Variants in CARMIL2 observed in about 807,000 individuals in gnomAD.
The protein encoded by CARMIL2 is capping protein, Arp2/3 and myosin-I linker protein 2.
In CARMIL2, 96 loss-of-function variants were observed where a neutral mutation model predicts 173.3. The observed-to-expected ratio is 0.55, with a 90% CI of 0.47 to 0.66. The LOEUF is 0.66. Ranked by LOEUF, CARMIL2 falls within the 30% of genes least tolerant of loss-of-function variation. The probability of loss-of-function intolerance (pLI) is 0.00; values close to 1 mark genes in which losing one functional copy is unlikely to be tolerated. For synonymous variants in CARMIL2, 830 were observed against 817.1 expected, an observed-to-expected ratio of 1.02 and a Z score of -0.27; for missense variants, 1,771 against 1,906.7, an observed-to-expected ratio of 0.93 and a Z score of 1.33.
In CARMIL2 at chr16:67,656,060, C is replaced by A. The variant is rs1199347887; in HGVS notation, c.3735C>A (p.Gly1245=). 2.5e-6 allele frequency: 4 copies of A among 1,604,116 alleles called. No homozygotes were observed. Among genetic ancestry groups the A allele is most frequent in the Non-Finnish European group, 3.4e-6 (4 of 1,175,350 alleles). The part of the protein sequence containing the change: ...QSKDGEIKKA[G]SDGDIMDSST... Reference sequence around the variant, plus strand: ...AAGATGGCGAGATCAAGAAAGCTGGCTCAGATGGTAAGTGGGACCCTGGGG... The same window carrying A: ...AAGATGGCGAGATCAAGAAAGCTGGATCAGATGGTAAGTGGGACCCTGGGG... The change falls in exon 33 of 38, where the codon GGC becomes GGA. Residue 1245 remains glycine (G), a synonymous_variant. Transcript: ENST00000334583.
rs770397804 is a variant in CARMIL2 at position 67,656,268 on chromosome 16, G to C, written c.3783G>C (p.Ser1261=). 11 of 1,613,966 alleles carry C rather than the reference G, an allele frequency of 6.8e-6. No individual in the cohort carries two copies. In the East Asian group the frequency reaches 2.5e-4, roughly 36 times the overall value. Residue 1261 remains serine, a synonymous_variant, in exon 34 of 38, where the codon TCG becomes TCC. Coordinates refer to ENST00000334583, the MANE Select transcript of CARMIL2 (RefSeq NM_001013838.3). ...GTTCCACGGAGGCCCCTCCCATCTC[G>C]ATCAAGTCCCGCACCCACTCTGTGT... is the stretch of plus-strand genomic sequence containing the variant. ...MDSSTEAPPI[S]IKSRTHSVSA... is the part of the protein sequence containing the mutation.
rs1458597338 is a variant in CARMIL2, at chr16:67,654,522, C to A, written c.3412C>A (p.Pro1138Thr). The change falls in exon 31 of 38, where the codon CCG (proline) becomes ACG (threonine). Residue 1138 changes from proline to threonine, a missense_variant. By Grantham distance (38) the Pro-to-Thr change is conservative. Coordinates refer to ENST00000334583, the MANE Select transcript of CARMIL2 (RefSeq NM_001013838.3). ...RKTTFGDLLR[P>T]PTRPSRGEEL... is the part of the protein sequence containing the mutation. ...AACTACATTTGGCGACCTACTGCGG[C>A]CGCCAACCCGTCCCAGCCGTGGTGA... 6.2e-7 allele frequency: 1 copy of A among 1,611,680 alleles called. No individual in the cohort carries two copies. Among genetic ancestry groups the A allele is most frequent in the South Asian group, 1.1e-5 (1 of 90,830 alleles).
Position 67,656,516 on chromosome 16 carries a change from C to G in CARMIL2, c.3907C>G (p.Arg1303Gly). ...GQQLNAELRS[R>G]GWGQQDGPGP... ...GCAGTTGAATGCGGAGCTCAGGAGCCGTGGTTGGGGCCAACAGGATGGTCC... is the reference window on the plus strand; with the variant it reads ...GCAGTTGAATGCGGAGCTCAGGAGCGGTGGTTGGGGCCAACAGGATGGTCC... The change falls in exon 35 of 38, where the codon CGT becomes GGT. Residue 1303 changes from arginine (R) to glycine (G), a missense_variant. Around this residue, in one of 3 missense-constraint regions of CARMIL2, gnomAD observed 817 missense variants for 903.5 expected, o/e 0.90. Transcript: ENST00000334583. The G allele has an allele frequency of 6.2e-7, 1 of 1,613,544 alleles. No homozygotes were observed. The highest frequency in any genetic ancestry group is 8.5e-7 in the Non-Finnish European group (1 of 1,179,810).
At chr16:67,656,722 T>C in intron 35 of CARMIL2, 77 bp downstream of exon 35, 1 of 1,568,308 alleles carries the variant, frequency 6.4e-7, no homozygotes, top group East Asian at 2.3e-5. Context: ...TCAGCTCCTC[T>C]AAGGACCCTG....
Position 67,648,539 on chromosome 16 carries a change from T to G in CARMIL2, c.1439+37T>G, listed in dbSNP as rs1364396103. 1 of 1,456,350 alleles carries G rather than the reference T, an allele frequency of 6.9e-7. No homozygotes were observed. The highest frequency in any genetic ancestry group is 1.4e-5 in the African/African-American group (1 of 70,288). The allele number at this position is 1,456,350 out of a possible 1,614,324, so 90.2% of individuals were successfully genotyped here. A position where few individuals can be genotyped will look rare whatever the true frequency, so the allele number is the denominator to read the frequency against. On this transcript the variant is annotated intron_variant, in intron 15 of 37. Coordinates refer to ENST00000334583, the MANE Select transcript of CARMIL2 (RefSeq NM_001013838.3). This position sits in a 1 kb window ranked among gnomAD's most constrained non-coding sequence, Gnocchi z 6.1. ...ACCCCGGCCACGCCCCCGCGGGCGC[T>G]CCCACCCTGCCCTGGCCTTCGCCCC...
rs1478240375 is a variant in CARMIL2, at chr16:67,651,284, A to G, written c.2282A>G (p.Asp761Gly). 6.2e-7 allele frequency: 1 copy of G among 1,613,564 alleles called. No individual in the cohort carries two copies. Among genetic ancestry groups the G allele is most frequent in the Non-Finnish European group, 8.5e-7 (1 of 1,179,848 alleles). ...GAAGCCGCTGTGCGCCAGGCCGAGGATGCCATCCAAAATGCCAACTTCTCT... is the reference window on the plus strand; with the variant it reads ...GAAGCCGCTGTGCGCCAGGCCGAGGGTGCCATCCAAAATGCCAACTTCTCT... ...QGEAAVRQAE[D>G]AIQNANFSLS... Residue 761 changes from aspartate to glycine, a missense_variant, in exon 23 of 38, where the codon GAT becomes GGT. By Grantham distance (94) the Asp-to-Gly change is moderately conservative. Coordinates refer to ENST00000334583, the MANE Select transcript of CARMIL2 (RefSeq NM_001013838.3). The surrounding 1 kb of genome is among the most constrained non-coding windows in gnomAD (Gnocchi z 4.2).
Position 67,646,586 on chromosome 16 carries a change from G to T in CARMIL2, c.466+69G>T. On this transcript the variant is annotated intron_variant, in intron 6 of 37. Coordinates refer to ENST00000334583, the MANE Select transcript of CARMIL2 (RefSeq NM_001013838.3). The surrounding 1 kb of genome is among the most constrained non-coding windows in gnomAD (Gnocchi z 4.6). ...CTCTGCCTCCCCAGACCCGCAAGCTGGGGGGGCCCCAAACTGAACAGAGCC... is the reference window on the plus strand; with the variant it reads ...CTCTGCCTCCCCAGACCCGCAAGCTTGGGGGGCCCCAAACTGAACAGAGCC... 1 of 1,567,044 alleles carries T rather than the reference G, an allele frequency of 6.4e-7. No homozygotes were observed. Among genetic ancestry groups the T allele is most frequent in the Non-Finnish European group, 8.8e-7 (1 of 1,142,768 alleles).
At chr16:67,654,929 G>A in intron 32 of CARMIL2, 29 bp downstream of exon 32, 1 of 1,612,062 alleles carries the variant, frequency 6.2e-7, no homozygotes, top group Non-Finnish European at 8.5e-7. Context: ...AGCATGAAGT[G>A]AGAGGGCAGA....
In CARMIL2 at chr16:67,646,985, G is replaced by C. The variant is rs1402242176; in HGVS notation, c.611+12G>C. The C allele has an allele frequency of 2.5e-6, 4 of 1,612,482 alleles. No individual in the cohort carries two copies. Among genetic ancestry groups the C allele is most frequent in the Non-Finnish European group, 3.4e-6 (4 of 1,179,388 alleles). ...CACCTCGGCAGTCGGTGTGTGGCCT[G>C]CCAGGATGGGAGAGGAGGAAGATCC... On this transcript the variant is annotated intron_variant, in intron 8 of 37. Transcript: ENST00000334583. The surrounding 1 kb of genome is among the most constrained non-coding windows in gnomAD (Gnocchi z 4.6).
rs373046499 is a variant in CARMIL2, at chr16:67,657,511, A to G, written c.4301A>G (p.Asn1434Ser). Residue 1434 changes from asparagine (N) to serine (S), a missense_variant, in exon 38 of 38, where the codon AAT becomes AGT. By Grantham distance (46) the Asn-to-Ser change is conservative. Transcript: ENST00000334583. This position sits in a 1 kb window ranked among gnomAD's most constrained non-coding sequence, Gnocchi z 4.5. ...PATDQRGGGP[N>S]P ...ACAGACCAAAGAGGCGGCGGCCCCA[A>G]TCCCTGATCCTCTCCTCTCCTGCCG... The G allele has an allele frequency of 3.4e-5, 55 of 1,613,318 alleles. No individual in the cohort carries two copies. The highest frequency in any genetic ancestry group is 3.6e-5 in the Non-Finnish European group (42 of 1,179,660).
At position 67,646,785 on chromosome 16, in the gene CARMIL2, G is replaced by T. The variant is rs1567627082; in HGVS notation, c.537+1G>T. ...CCCTTTCCGAGAGGAGATTCAGTGG[G>T]TGAGGGTAGGGCCCTTTTGAAGGGC... On this transcript the variant is annotated splice_donor_variant, in intron 7 of 37. Coordinates refer to ENST00000334583, the MANE Select transcript of CARMIL2 (RefSeq NM_001013838.3). LOFTEE classifies it high-confidence loss of function. This position sits in a 1 kb window ranked among gnomAD's most constrained non-coding sequence, Gnocchi z 4.6. 2 of 1,613,962 alleles carry T rather than the reference G, an allele frequency of 1.2e-6. No individual in the cohort carries two copies. The highest frequency in any genetic ancestry group is 1.7e-6 in the Non-Finnish European group (2 of 1,179,860).
In CARMIL2 at chr16:67,652,368, C is replaced by A. The variant is rs763776281; in HGVS notation, c.2817+29C>A. ...AGTGGTTTTAGAACACGGGGCATGG[C>A]ACTCCCAGTCTTCCCATCTTGCTGT... is the stretch of plus-strand genomic sequence containing the variant. On this transcript the variant is annotated intron_variant, in intron 27 of 37. Coordinates refer to ENST00000334583, the MANE Select transcript of CARMIL2 (RefSeq NM_001013838.3). This position sits in a 1 kb window ranked among gnomAD's most constrained non-coding sequence, Gnocchi z 4.7. 6.2e-7 allele frequency: 1 copy of A among 1,612,376 alleles called. No homozygotes were observed. The highest frequency in any genetic ancestry group is 2.2e-5 in the East Asian group (1 of 44,868).
intron 29 of CARMIL2, 70 bp from the exon 30 acceptor site, chr16:67,654,079 C>G (rs1284260623): frequency 8.0e-6 from 7 of 876,818 alleles, no homozygotes; most frequent in Non-Finnish European, 1.1e-5. Flanking sequence ...AGGCTGCCGG[C>G]CGGGGGGGGG....
At chr16:67,656,694 G>A in intron 35 of CARMIL2, 49 bp downstream of exon 35, 1 of 1,570,618 alleles carries the variant, frequency 6.4e-7, no homozygotes, top group South Asian at 1.1e-5. Flanking sequence ...CGGGGCTGGA[G>A]GAGTTCCTGC....
rs752651909 is a variant in CARMIL2 at position 67,656,345 on chromosome 16, G to A, written c.3814+46G>A. ...GTGTTGGTAGTGGGAGCAGGGACAGGCAGGAGTTGGGTCAGACTGTTGTTC... is the reference window on the plus strand; with the variant it reads ...GTGTTGGTAGTGGGAGCAGGGACAGACAGGAGTTGGGTCAGACTGTTGTTC... On this transcript the variant is annotated intron_variant, in intron 34 of 37. Transcript: ENST00000334583. 27 of 1,611,252 alleles carry A rather than the reference G, an allele frequency of 1.7e-5. No individual in the cohort carries two copies. In the South Asian group the frequency reaches 2.6e-4, roughly 16 times the overall value.
intron 34 of CARMIL2, 38 bp from the exon 35 acceptor site, chr16:67,656,386 G>A (rs1306114532): frequency 6.2e-7 from 1 of 1,608,244 alleles, no homozygotes; most frequent in South Asian, 1.1e-5. Flanking sequence ...TATCGCCAAT[G>A]CCTGACCAGG....
chr16:67,652,280 G>A lies in CARMIL2; in HGVS notation c.2758G>A (p.Glu920Lys). The stretch of plus-strand genomic sequence containing the variant: ...GGATGGAGGTGAGCCCAGCCTCCTT[G>A]AGCCTGGGGAATTGGAAGGTCTTTT... ...APDGGEPSLL[E>K]PGELEGLFFP... Residue 920 changes from glutamate to lysine, a missense_variant, in exon 27 of 38, where the codon GAG (glutamate) becomes AAG (lysine). Glu to Lys is a moderately conservative substitution (Grantham distance 56, BLOSUM62 1). Coordinates refer to ENST00000334583, the MANE Select transcript of CARMIL2 (RefSeq NM_001013838.3). This position sits in a 1 kb window ranked among gnomAD's most constrained non-coding sequence, Gnocchi z 4.7. 6.2e-7 allele frequency: 1 copy of A among 1,613,380 alleles called. No individual in the cohort carries two copies. The highest frequency in any genetic ancestry group is 1.1e-5 in the South Asian group (1 of 91,082).
rs1194030237 is a variant in CARMIL2 at position 67,653,844 on chromosome 16, G to T, written c.3121-305G>T. Among the ~76,000 whole-genome samples, 1 of 152,104 alleles carries T rather than the reference G, an allele frequency of 6.6e-6. No homozygotes were observed. Among genetic ancestry groups the T allele is most frequent in the Non-Finnish European group, 1.5e-5 (1 of 67,998 alleles). On this transcript the variant is annotated intron_variant, in intron 29 of 37. Transcript: ENST00000334583. This position sits in a 1 kb window ranked among gnomAD's most constrained non-coding sequence, Gnocchi z 7.4. ...CAGAGCTGGTGGCAAGTGGGAACGG[G>T]TGACCCCGGGGGCACGTGAGGGCTA...
rs900471856 is a variant in CARMIL2 at position 67,653,934 on chromosome 16, C to T, written c.3121-215C>T. ...TCTGTGGGACAAGGACGGGTGTGGA[C>T]TGGGTGTGCGGGAGCCAGCAGCGAG... On this transcript the variant is annotated intron_variant, in intron 29 of 37. Coordinates refer to ENST00000334583, the MANE Select transcript of CARMIL2 (RefSeq NM_001013838.3). The surrounding 1 kb of genome is among the most constrained non-coding windows in gnomAD (Gnocchi z 7.4). 6.6e-6 allele frequency among the ~76,000 whole-genome samples: 1 copy of T among 151,878 alleles called. No individual in the cohort carries two copies. Among genetic ancestry groups the T allele is most frequent in the Non-Finnish European group, 1.5e-5 (1 of 67,926 alleles).
Sources: allele counts gnomAD v4.1 joint callset (sites outside exome capture counted in the v4.1 genomes callset), GRCh38; gene constraint gnomAD v4.1.1; regional missense constraint gnomAD v4.1.1; non-coding constraint Gnocchi (gnomAD v3.1); transcripts MANE v1.5; gene names NCBI Gene and HGNC (gene_info 2026-07-23, HGNC 2026-07-21).